The following BTD variants were observed in gnomAD, a reference collection of about 807,000 sequenced individuals.
BTD encodes biocytinase.
BTD carries 13 observed loss-of-function variants against 17.7 expected under a neutral mutation model. The ratio of observed to expected loss-of-function variants is 0.74; its 90% CI spans 0.48 to 1.17. The LOEUF is 1.17. Among genes scored for constraint, BTD ranks in the 50% most tolerant of loss-of-function variants. BTD has a pLI of 0.00. For missense variants in BTD, 674 were observed against 650.4 expected, an observed-to-expected ratio of 1.04 and a Z score of -0.39; for synonymous variants, 240 against 245.2, an observed-to-expected ratio of 0.98 and a Z score of 0.20.
At chr3:15,616,402 G>A (rs1198609607) in intron 1 of BTD, among the ~76,000 whole-genome samples, 1 of 152,098 alleles carries the variant, frequency 6.6e-6, no homozygotes, top group East Asian at 1.9e-4. Flanking sequence ...GATCACCTGA[G>A]GTCAGGAGTT....
At chr3:15,632,040 C>T (rs774403949) in intron 1 of BTD, among the ~76,000 whole-genome samples, 17 of 152,224 alleles carry the variant, frequency 1.1e-4, no homozygotes, top group African/African-American at 3.6e-4. Context: ...GTTTCTTGCA[C>T]CCGCCCGTGA....
At chr3:15,706,654 T>G (rs6808843) in intron 3 of BTD, among the ~76,000 whole-genome samples, 109,584 of 151,894 alleles carry the variant, frequency 0.72, 39,744 homozygotes, top group East Asian at 0.93. Context: ...AGATCCTTGA[T>G]GAATCGCCAC....
chr3:15,610,276 C>T (rs2064578162), intron 1 of BTD, among the ~76,000 whole-genome samples: 1 of 152,198 alleles, frequency 6.6e-6, no homozygotes, highest in African/African-American at 2.4e-5. Context: ...CTCTACCACT[C>T]AGCAGGCTAG....
At chr3:15,619,780 G>T (rs1454138203) in intron 1 of BTD, among the ~76,000 whole-genome samples, 1 of 152,192 alleles carries the variant, frequency 6.6e-6, no homozygotes, top group Admixed American at 6.5e-5. Context: ...GTGTCAGCTG[G>T]CTGAGAAATA....
intron 3 of BTD, chr3:15,709,765 T>C: frequency 2.1e-6 from 3 of 1,424,262 alleles, no homozygotes; most frequent in Admixed American, 2.2e-5. Flanking sequence ...GTTAGAAAAC[T>C]TAATTGACAG....
intron 3 of BTD, among the ~76,000 whole-genome samples, chr3:15,680,030 C>A (rs893762410): frequency 2.6e-5 from 4 of 152,034 alleles, no homozygotes; most frequent in African/African-American, 7.3e-5. Context: ...GGGACTTGAG[C>A]GCCTGTTGGT....
At chr3:15,685,432 T>C (rs774230769) in intron 3 of BTD, 3 of 1,613,892 alleles carry the variant, frequency 1.9e-6, no homozygotes, top group African/African-American at 1.3e-5. Context: ...ACATTCTTCA[T>C]GGCCTGTAAC....
At position 15,644,827 on chromosome 3, in the gene BTD, A is replaced by G; in HGVS notation, c.911A>G (p.Asp304Gly). 1 of 1,614,214 alleles carries G rather than the reference A, an allele frequency of 6.2e-7. No individual in the cohort carries two copies. Residue 304 changes from aspartate to glycine, a missense_variant, in exon 4 of 4, where the codon GAC becomes GGC. Transcript: ENST00000643237. ...HTPLESFWYHDMENPKSHLII... is the reference protein window; with the variant it reads ...HTPLESFWYHGMENPKSHLII... ...CCTCTGGAGTCCTTTTGGTACCATG[A>G]CATGGAAAATCCCAAAAGTCACCTT...
At chr3:15,707,268 A>G (rs563297774) in intron 3 of BTD, among the ~76,000 whole-genome samples, 79 of 150,652 alleles carry the variant, frequency 5.2e-4, no homozygotes, top group Non-Finnish European at 1.1e-3. Context: ...GAAAAAAAAA[A>G]TATGTATCAA....
At chr3:15,628,011 C>G (rs969808476) in intron 1 of BTD, among the ~76,000 whole-genome samples, 1 of 152,212 alleles carries the variant, frequency 6.6e-6, no homozygotes, top group Non-Finnish European at 1.5e-5. Flanking sequence ...CATGAGCCAC[C>G]ATGCCCAGCC....
At chr3:15,626,991 A>T (rs1301501299) in intron 1 of BTD, among the ~76,000 whole-genome samples, 1 of 152,028 alleles carries the variant, frequency 6.6e-6, no homozygotes, top group Non-Finnish European at 1.5e-5. Flanking sequence ...GAAAACCAAA[A>T]TGTCCAATGC....
At chr3:15,712,361 A>C in exon 4 of BTD, 1 of 717,864 alleles carries the variant, frequency 1.4e-6, no homozygotes, top group East Asian at 2.7e-5. Flanking sequence ...TAATTTGGTT[A>C]AAGTTTGATG....
intron 3 of BTD, chr3:15,694,702 C>T: frequency 1.9e-6 from 3 of 1,562,460 alleles, no homozygotes. Context: ...TTCAGTAAAC[C>T]AGCAGCCATC....
At chr3:15,713,495 T>C (rs1441450574), downstream of BTD, 9 of 1,541,184 alleles carry the variant, frequency 5.8e-6, no homozygotes, top group Non-Finnish European at 8.0e-6. Flanking sequence ...TGCTTGCCTG[T>C]ATCAGTTATC....
intron 1 of BTD, among the ~76,000 whole-genome samples, chr3:15,625,357 G>A (rs2065040611): frequency 6.6e-6 from 1 of 152,166 alleles, no homozygotes; most frequent in Admixed American, 6.5e-5. Context: ...TTTCTCTGGA[G>A]GAGAGGCCTG....
intron 1 of BTD, among the ~76,000 whole-genome samples, chr3:15,609,401 T>G (rs1351082437): frequency 1.3e-5 from 2 of 152,190 alleles, no homozygotes; most frequent in African/African-American, 4.8e-5. Context: ...CGATATTTGG[T>G]CATTTTTAGT....
Position 15,635,167 on chromosome 3 carries a change from C to T in BTD, c.-16-257C>T, listed in dbSNP as rs1272269891. Among the ~76,000 whole-genome samples, 1 of 152,188 alleles carries T rather than the reference C, an allele frequency of 6.6e-6. No individual in the cohort carries two copies. The highest frequency in any genetic ancestry group is 1.5e-5 in the Non-Finnish European group (1 of 68,026). On this transcript the variant is annotated intron_variant, in intron 1 of 3. Transcript: ENST00000643237. The surrounding 1 kb of genome is among the most constrained non-coding windows in gnomAD (Gnocchi z 4.1). ...CTTGCTGAACACTGGGTAAGAAAAT[C>T]ATAGCAAACGTTGAGTCTGTTTTGG...
intron 1 of BTD, among the ~76,000 whole-genome samples, chr3:15,619,080 A>T (rs1475216164): frequency 6.6e-6 from 1 of 152,134 alleles, no homozygotes; most frequent in Non-Finnish European, 1.5e-5. Flanking sequence ...TTACGGTATG[A>T]TGTTGAAAAG....
At chr3:15,679,652 TAA>T (rs1395715573) in intron 3 of BTD, 1 of 990,700 alleles carries the variant, frequency 1.0e-6, no homozygotes, top group African/African-American at 1.6e-5. Context: ...AGGAAAAATG[TAA>T]AAGTCTCTCC....
Sources: gnomAD v4.1 joint callset for allele counts (sites outside exome capture counted in the v4.1 genomes callset) on GRCh38, gnomAD v4.1.1 for gene constraint, Gnocchi (gnomAD v3.1) non-coding constraint, MANE v1.5 for transcripts, NCBI Gene and HGNC (gene_info 2026-07-23, HGNC 2026-07-21) for gene names.